CSMD1: variants seen among roughly 807,000 people sequenced by gnomAD.
CSMD1 encodes CUB and Sushi multiple domains 1, also known as CUB and sushi domain-containing protein 1.
A neutral mutation model predicts 417.5 loss-of-function variants in CSMD1; 213 were observed. That is an observed-to-expected ratio of 0.51 (90% CI 0.46 to 0.57). The LOEUF (loss-of-function observed/expected upper bound fraction) is 0.57. Among genes scored for constraint, CSMD1 ranks in the 20% least tolerant of loss-of-function variants. The pLI, the probability that CSMD1 is intolerant of heterozygous loss-of-function variation, is 0.00. For synonymous variants in CSMD1, 2,862 were observed against 1,736.8 expected, an observed-to-expected ratio of 1.65 and a Z score of -16.11; for missense variants, 6,923 against 4,529.7, an observed-to-expected ratio of 1.53 and a Z score of -15.17.
chr8:3,235,397 AT>A (rs1462013011), intron 26 of CSMD1, among the ~76,000 whole-genome samples: 1 of 152,212 alleles, frequency 6.6e-6, no homozygotes, highest in Non-Finnish European at 1.5e-5. Context: ...ATGAATAAGA[AT>A]TTTAACGGAT....
At chr8:3,163,952 G>A (rs1487688201) in intron 37 of CSMD1, among the ~76,000 whole-genome samples, 2 of 152,176 alleles carry the variant, frequency 1.3e-5, no homozygotes, top group South Asian at 4.1e-4. Flanking sequence ...GATCTCTCAT[G>A]CGTGTTGAGC....
intron 2 of CSMD1, among the ~76,000 whole-genome samples, chr8:4,566,477 C>A (rs1798613521): frequency 1.3e-5 from 2 of 151,570 alleles, no homozygotes; most frequent in Admixed American, 1.3e-4. Context: ...CAAGGTGAAA[C>A]CCCGTCTCTA....
chr8:2,949,017 T>C (rs1192709994), intron 68 of CSMD1, among the ~76,000 whole-genome samples: 1 of 151,968 alleles, frequency 6.6e-6, no homozygotes, highest in Non-Finnish European at 1.5e-5. Flanking sequence ...GTAATATACT[T>C]TGCTTATACT....
intron 1 of CSMD1, among the ~76,000 whole-genome samples, chr8:4,970,417 A>G (rs1810166386): frequency 6.6e-6 from 1 of 152,164 alleles, no homozygotes. Flanking sequence ...CATCAACTTT[A>G]CAAACATAAT....
intron 2 of CSMD1, among the ~76,000 whole-genome samples, chr8:4,465,193 C>A (rs976441118): frequency 1.3e-5 from 2 of 152,140 alleles, no homozygotes; most frequent in Non-Finnish European, 2.9e-5. Flanking sequence ...GAAGTCCAAA[C>A]CAGGAGGATG....
In CSMD1 at chr8:3,996,010, T is replaced by C. The variant is rs1363349091; in HGVS notation, c.818+1893A>G. Among the ~76,000 whole-genome samples the C allele has an allele frequency of 3.9e-5, 6 of 152,324 alleles. No homozygotes were observed. In the East Asian group the frequency reaches 1.2e-3, roughly 29 times the overall value. ...TCTGGCTATCTGTGCTGATACTCTC[T>C]ATGACAAGGATGATCAATTGTTGCC... On this transcript the variant is annotated intron_variant, in intron 5 of 69. Transcript: ENST00000635120.
At chr8:4,408,919 A>G (rs1215107205) in intron 3 of CSMD1, among the ~76,000 whole-genome samples, 1 of 152,222 alleles carries the variant, frequency 6.6e-6, no homozygotes, top group Non-Finnish European at 1.5e-5. Flanking sequence ...GGTAGCAAGA[A>G]CATCAGAAAT....
intron 3 of CSMD1, among the ~76,000 whole-genome samples, chr8:4,227,056 C>T (rs937421403): frequency 6.6e-6 from 1 of 152,110 alleles, no homozygotes; most frequent in Non-Finnish European, 1.5e-5. Flanking sequence ...TAAGACTGAA[C>T]GACTCTGAAG....
chr8:4,584,328 T>C (rs1026246236), intron 2 of CSMD1, among the ~76,000 whole-genome samples: 3 of 151,890 alleles, frequency 2.0e-5, no homozygotes, highest in Non-Finnish European at 4.4e-5. Context: ...CGCCGAGTAG[T>C]GAGACAATCG....
chr8:4,275,354 T>G (rs1192318237), intron 3 of CSMD1, among the ~76,000 whole-genome samples: 1 of 152,138 alleles, frequency 6.6e-6, no homozygotes, highest in African/African-American at 2.4e-5. Flanking sequence ...TGGAAGAAAC[T>G]CAGTGCCAAG....
rs71209121 is a variant in CSMD1 at position 4,753,403 on chromosome 8, C to CCACA, written c.86-115849_86-115846dup. Among the ~76,000 whole-genome samples the CCACA allele has an allele frequency of 1.6e-3, 224 of 137,886 alleles. 1 individual carries two copies. Among genetic ancestry groups the CCACA allele is most frequent in the African/African-American group, 4.4e-3 (147 of 33,760 alleles). The allele number at this position is 137,886 out of a possible 152,430, so 90.5% of individuals were successfully genotyped here. Reference sequence around the variant, plus strand: ...TCTCTTCCCTACTTTCCACCATAAACCACACACACACACACACACACACAC... The same window carrying CCACA: ...TCTCTTCCCTACTTTCCACCATAAACCACACACACACACACACACACACACACAC... On this transcript the variant is annotated intron_variant, in intron 1 of 69. Coordinates refer to ENST00000635120, the MANE Select transcript of CSMD1 (RefSeq NM_033225.6).
intron 3 of CSMD1, among the ~76,000 whole-genome samples, chr8:4,171,546 A>C (rs906389084): frequency 3.3e-5 from 5 of 151,834 alleles, no homozygotes; most frequent in African/African-American, 9.7e-5. Context: ...ACAAATGTAC[A>C]ATAACTACTG....
At chr8:4,138,971 T>C (rs75798143) in intron 3 of CSMD1, among the ~76,000 whole-genome samples, 45,018 of 152,044 alleles carry the variant, frequency 0.3, 8,103 homozygotes, top group Non-Finnish European at 0.39. Flanking sequence ...TCGCCATGCA[T>C]CTTTCCTGAG....
intron 7 of CSMD1, among the ~76,000 whole-genome samples, chr8:3,662,888 T>G (rs753250700): frequency 3.9e-5 from 6 of 152,064 alleles, no homozygotes; most frequent in East Asian, 1.9e-4. Flanking sequence ...ATGTAATGCA[T>G]GAGAGGCTTA....
chr8:4,761,902 T>C (rs3990427), intron 1 of CSMD1, among the ~76,000 whole-genome samples: 12,261 of 92,818 alleles, frequency 0.13, 787 homozygotes, highest in African/African-American at 0.22. Context: ...TACCTATCTA[T>C]CTATCTATCA....
chr8:4,585,549 A>T (rs17070690), intron 2 of CSMD1, among the ~76,000 whole-genome samples: 13,953 of 152,236 alleles, frequency 0.092, 812 homozygotes, highest in Admixed American at 0.14. Context: ...CTGATTAGAG[A>T]CTTTGAGCAG....
At chr8:2,966,802 GC>G in intron 57 of CSMD1, 56 bp from the exon 58 acceptor site, 1 of 1,546,054 alleles carries the variant, frequency 6.5e-7, no homozygotes, top group Non-Finnish European at 8.8e-7. Context: ...CATGAAAATG[GC>G]AAACACAAGA....
intron 3 of CSMD1, among the ~76,000 whole-genome samples, chr8:4,163,657 A>G (rs772010526): frequency 2.6e-5 from 4 of 152,188 alleles, no homozygotes; most frequent in African/African-American, 7.2e-5. Flanking sequence ...GTAAAATTCA[A>G]GGAAATAATT....
At chr8:4,426,514 A>G (rs1178534985) in intron 2 of CSMD1, among the ~76,000 whole-genome samples, 2 of 147,712 alleles carry the variant, frequency 1.4e-5, no homozygotes, top group Non-Finnish European at 3.0e-5. Flanking sequence ...TATATTTTAT[A>G]AAGACTGTAG....
Sources: allele counts gnomAD v4.1 joint callset (sites outside exome capture counted in the v4.1 genomes callset), GRCh38; gene constraint gnomAD v4.1.1; transcripts MANE v1.5; gene names NCBI Gene and HGNC (gene_info 2026-07-23, HGNC 2026-07-21).